Variants in SNX24 observed in about 807,000 individuals in gnomAD.
The protein encoded by SNX24 is sorting nexin-24.
SNX24 carries 22 observed loss-of-function variants against 28.7 expected under a neutral mutation model. The observed-to-expected ratio is 0.77, with a 90% confidence interval of 0.55 to 1.10. The LOEUF (loss-of-function observed/expected upper bound fraction) is 1.10. SNX24 is among the 50% of genes least tolerant of loss of function. SNX24 has a pLI of 0.00. For synonymous variants in SNX24, 69 were observed against 71.5 expected (o/e 0.96, Z 0.18); for missense variants, 221 against 201.1 (o/e 1.10, Z -0.60).
At chr5:123,004,851 C>T (rs1380055174) in intron 6 of SNX24, among the ~76,000 whole-genome samples, 1 of 151,486 alleles carries the variant, frequency 6.6e-6, no homozygotes, top group Non-Finnish European at 1.5e-5. Flanking sequence ...TGCTGATTCT[C>T]CCTCTCCACG....
chr5:122,947,338 C>G (rs1313265550), intron 3 of SNX24, among the ~76,000 whole-genome samples: 5 of 152,032 alleles, frequency 3.3e-5, no homozygotes, highest in Admixed American at 6.6e-5. Flanking sequence ...TGAGGGGAGG[C>G]TGACTCCTCA....
downstream of SNX24, among the ~76,000 whole-genome samples, chr5:123,012,159 C>A (rs1433299288): frequency 6.6e-6 from 1 of 152,168 alleles, no homozygotes; most frequent in African/African-American, 2.4e-5. Context: ...GAGGCCTCCC[C>A]AGACATGTGG....
chr5:122,862,972 A>G (rs990530751), intron 1 of SNX24, among the ~76,000 whole-genome samples: 1 of 152,240 alleles, frequency 6.6e-6, no homozygotes, highest in Non-Finnish European at 1.5e-5. Flanking sequence ...AAAACAAGTC[A>G]TCTACTTATT....
At chr5:122,992,527 G>A in intron 3 of SNX24, among the ~76,000 whole-genome samples, 1 of 151,904 alleles carries the variant, frequency 6.6e-6, no homozygotes, top group East Asian at 1.9e-4. Context: ...TGAACAAGCT[G>A]GAATATCCTA....
downstream of SNX24, among the ~76,000 whole-genome samples, chr5:123,011,864 A>G (rs1051116426): frequency 3.3e-5 from 5 of 152,204 alleles, no homozygotes; most frequent in African/African-American, 1.2e-4. Flanking sequence ...TCAAACAGCT[A>G]TTTGTATAAT....
intron 1 of SNX24, among the ~76,000 whole-genome samples, chr5:122,854,681 T>C (rs1052202027): frequency 1.3e-5 from 2 of 152,224 alleles, no homozygotes; most frequent in African/African-American, 4.8e-5. Flanking sequence ...ACTTGCTTTT[T>C]TTACTTAATG....
intron 1 of SNX24, among the ~76,000 whole-genome samples, chr5:122,889,817 T>G (rs1175543245): frequency 3.3e-5 from 5 of 150,910 alleles, no homozygotes; most frequent in Non-Finnish European, 5.9e-5. Flanking sequence ...CTTAACATAA[T>G]CACGGTAAAA....
At chr5:122,963,227 C>A (rs958226094) in intron 3 of SNX24, among the ~76,000 whole-genome samples, 2 of 152,186 alleles carry the variant, frequency 1.3e-5, no homozygotes, top group South Asian at 4.1e-4. Flanking sequence ...GAGTGAGACA[C>A]TGTCTCAAAA....
intron 3 of SNX24, among the ~76,000 whole-genome samples, chr5:122,971,202 G>A (rs985850679): frequency 1.6e-4 from 24 of 152,274 alleles, no homozygotes; most frequent in African/African-American, 5.3e-4. Context: ...GATGTTTAAG[G>A]GCAGGAAGCA....
intron 5 of SNX24, among the ~76,000 whole-genome samples, chr5:123,014,753 A>G (rs1266234322): frequency 6.6e-6 from 1 of 152,188 alleles, no homozygotes; most frequent in African/African-American, 2.4e-5. Flanking sequence ...TAAGAAAAAC[A>G]TTTAAATTTC....
chr5:122,913,661 C>G (rs1758020170), intron 1 of SNX24, among the ~76,000 whole-genome samples: 1 of 151,810 alleles, frequency 6.6e-6, no homozygotes, highest in Admixed American at 6.6e-5. Context: ...CCTTACTTCT[C>G]AGACGGGGCA....
chr5:123,024,553 C>T (rs1021977889), intron 5 of SNX24, among the ~76,000 whole-genome samples: 1 of 152,212 alleles, frequency 6.6e-6, no homozygotes, highest in Non-Finnish European at 1.5e-5. Flanking sequence ...GCTGTGAAGG[C>T]ACCTTTCTCT....
At chr5:123,028,834 C>G in intron 5 of SNX24, 1 of 1,613,472 alleles carries the variant, frequency 6.2e-7, no homozygotes, top group South Asian at 1.1e-5. Context: ...CTTGATGACA[C>G]GATGAAACTT....
chr5:122,967,394 C>G (rs1760755524), intron 3 of SNX24, among the ~76,000 whole-genome samples: 1 of 152,178 alleles, frequency 6.6e-6, no homozygotes, highest in Non-Finnish European at 1.5e-5. Flanking sequence ...TGCCTTGAAC[C>G]TCTTTCAGAC....
At chr5:122,873,416 A>G (rs1010304122) in intron 1 of SNX24, among the ~76,000 whole-genome samples, 1 of 152,080 alleles carries the variant, frequency 6.6e-6, no homozygotes, top group African/African-American at 2.4e-5. Flanking sequence ...AGTCTGTTTA[A>G]TTGGAAATTT....
chr5:122,982,757 ATTTAC>A (rs1022035544), intron 3 of SNX24, among the ~76,000 whole-genome samples: 10 of 152,218 alleles, frequency 6.6e-5, no homozygotes, highest in African/African-American at 1.4e-4. Flanking sequence ...GGCTCAAAGA[ATTTAC>A]TTTGCTTTCA....
chr5:123,000,048 C>A, intron 4 of SNX24, 42 bp downstream of exon 4: 1 of 1,264,074 alleles, frequency 7.9e-7, no homozygotes, highest in Non-Finnish European at 1.2e-6. Context: ...TTTTAAATTA[C>A]TCTTCAATGA....
intron 1 of SNX24, among the ~76,000 whole-genome samples, chr5:122,854,525 AAAC>A (rs1241957366): frequency 2.0e-5 from 3 of 151,134 alleles, no homozygotes; most frequent in African/African-American, 7.3e-5. Context: ...CAAAAAAAAA[AAAC>A]AAAAAAAAAA....
intron 1 of SNX24, among the ~76,000 whole-genome samples, chr5:122,918,267 A>G (rs1383738322): frequency 6.6e-6 from 1 of 152,114 alleles, no homozygotes; most frequent in Non-Finnish European, 1.5e-5. Context: ...TGCACAGTTC[A>G]GTTTATAACA....
Sources: gnomAD v4.1 joint callset for allele counts (sites outside exome capture counted in the v4.1 genomes callset) on GRCh38, gnomAD v4.1.1 for gene constraint, MANE v1.5 for transcripts, NCBI Gene and HGNC (gene_info 2026-07-23, HGNC 2026-07-21) for gene names.